Variants in OPA1 observed in about 807,000 individuals in gnomAD.
OPA1 encodes OPA1 mitochondrial dynamin like GTPase.
In OPA1, 59 loss-of-function variants were observed where a neutral mutation model predicts 152.9. The observed-to-expected ratio is 0.39, with a 90% CI of 0.31 to 0.48. OPA1 has a LOEUF of 0.48. OPA1 is among the 20% of genes least tolerant of loss of function. The probability of loss-of-function intolerance (pLI) is 0.96; values close to 1 mark genes in which losing one functional copy is unlikely to be tolerated. For missense variants in OPA1, 1,008 were observed against 1,216.8 expected, an observed-to-expected ratio of 0.83 and a Z score of 2.55; for synonymous variants, 400 against 389.9, an observed-to-expected ratio of 1.03 and a Z score of -0.31.
rs74622164 is a variant in OPA1 at position 193,689,842 on chromosome 3, G to A, written c.2984-2221G>A. ...ATTTCTCAATGAAATGTGGAGAGAAGCACCCGTTTGAGATTCCCGTGTGTT... is the reference window on the plus strand; with the variant it reads ...ATTTCTCAATGAAATGTGGAGAGAAACACCCGTTTGAGATTCCCGTGTGTT... On this transcript the variant is annotated intron_variant, in intron 29 of 30. Transcript: ENST00000361510. Among the ~76,000 whole-genome samples the A allele has an allele frequency of 1.0e-3, 152 of 152,254 alleles. 1 individual carries two copies. The East Asian group carries it at 0.026, about 26-fold the overall frequency.
intron 22 of OPA1, among the ~76,000 whole-genome samples, chr3:193,656,639 TG>T (rs1577294404): frequency 6.6e-6 from 1 of 152,268 alleles, no homozygotes; most frequent in East Asian, 1.9e-4. Flanking sequence ...TCTTAGAGGT[TG>T]AAATAAATAA....
In OPA1 at chr3:193,667,290, T is replaced by A; in HGVS notation, c.2983+10T>A. The A allele has an allele frequency of 1.8e-5, 21 of 1,177,250 alleles. No individual in the cohort carries two copies. The highest frequency in any genetic ancestry group is 2.4e-5 in the Non-Finnish European group (19 of 780,510). The allele number at this position is 1,177,250 out of a possible 1,614,324, so 72.9% of individuals were successfully genotyped here. A position where few individuals can be genotyped will look rare whatever the true frequency, so the allele number is the denominator to read the frequency against. On this transcript the variant is annotated intron_variant, in intron 29 of 30. Coordinates refer to ENST00000361510, the MANE Select transcript of OPA1 (RefSeq NM_130837.3). ...CTGGCGGAAGACCTCAGTGAGTAGT[T>A]CTTACTGCCCTCTACCTTACTACCT...
chr3:193,605,447 G>A (rs1353829344), intron 1 of OPA1, among the ~76,000 whole-genome samples: 1 of 152,050 alleles, frequency 6.6e-6, no homozygotes, highest in Admixed American at 6.5e-5. Flanking sequence ...ATTGCTTCAG[G>A]TTTTAGTGGA....
intron 22 of OPA1, 86 bp from the exon 23 acceptor site, chr3:193,656,994 G>A: frequency 8.6e-7 from 1 of 1,167,734 alleles, no homozygotes; most frequent in South Asian, 1.5e-5. Flanking sequence ...TATCACATCT[G>A]TTTGGCTTGA....
chr3:193,610,848 T>C (rs1377349591), intron 1 of OPA1, among the ~76,000 whole-genome samples: 4 of 152,226 alleles, frequency 2.6e-5, no homozygotes, highest in African/African-American at 9.6e-5. Flanking sequence ...GCGCGGGATA[T>C]AGTCTCCTGG....
intron 11 of OPA1, 106 bp from the exon 12 acceptor site, chr3:193,642,659 C>T: frequency 1.2e-6 from 1 of 839,624 alleles, no homozygotes; most frequent in African/African-American, 1.7e-5. Context: ...TGAAGGGACT[C>T]TTGGATTTGT....
chr3:193,656,253 T>C (rs1389511950), intron 22 of OPA1, among the ~76,000 whole-genome samples: 2 of 152,130 alleles, frequency 1.3e-5, no homozygotes, highest in Non-Finnish European at 2.9e-5. Context: ...CCCTCAGCAC[T>C]AGGTGTCATG....
intron 1 of OPA1, among the ~76,000 whole-genome samples, chr3:193,598,546 C>G (rs568025079): frequency 6.6e-6 from 1 of 152,056 alleles, no homozygotes; most frequent in Non-Finnish European, 1.5e-5. Context: ...CAATAAGGCT[C>G]ATGTAGGGTT....
chr3:193,690,415 A>G (rs1229374668), intron 29 of OPA1, among the ~76,000 whole-genome samples: 1 of 148,608 alleles, frequency 6.7e-6, no homozygotes, highest in African/African-American at 2.5e-5. Context: ...AGTCTCAGCT[A>G]CTCAGGAGGC....
At position 193,629,913 on chromosome 3, in the gene OPA1, T is replaced by G. The variant is rs143094946; in HGVS notation, c.790-1699T>G. On this transcript the variant is annotated intron_variant, in intron 7 of 30. Coordinates refer to ENST00000361510, the MANE Select transcript of OPA1 (RefSeq NM_130837.3). ...GTCAGTTAGTATTTACATTTAAAAC[T>G]AAAACAATTTATACTAATACAGTTT... is the stretch of plus-strand genomic sequence containing the variant. Among the ~76,000 whole-genome samples the G allele has an allele frequency of 3.3e-3, 506 of 152,294 alleles. 3 individuals carry two copies. The highest frequency in any genetic ancestry group is 0.017 in the South Asian group (83 of 4,826).
Position 193,688,444 on chromosome 3 carries a change from C to CTTTTTTTTTTTTTTTTTTTTTT in OPA1, c.2984-3615_2984-3614insTTTTTTTTTTTTTTTTTTTTTT, listed in dbSNP as rs1560079327. ...TTCCCTGATTTTTACTGAAATGGGT[C>CTTTTTTTTTTTTTTTTTTTTTT]TTTTCTTTTTTTTTTTTTTTTTTTT... On this transcript the variant is annotated intron_variant, in intron 29 of 30. Transcript: ENST00000361510. Among the ~76,000 whole-genome samples the CTTTTTTTTTTTTTTTTTTTTTT allele has an allele frequency of 7.8e-5, 3 of 38,520 alleles. 1 individual carries two copies. Among genetic ancestry groups the CTTTTTTTTTTTTTTTTTTTTTT allele is most frequent in the African/African-American group, 2.1e-4 (3 of 14,398 alleles). The allele number at this position is 38,520 out of a possible 152,430, so 25.3% of individuals were successfully genotyped here. A position where few individuals can be genotyped will look rare whatever the true frequency, so the allele number is the denominator to read the frequency against.
At chr3:193,667,319 C>A in intron 29 of OPA1, 39 bp downstream of exon 29, 1 of 915,056 alleles carries the variant, frequency 1.1e-6, no homozygotes, top group South Asian at 1.3e-5. Context: ...ACTACCTTTC[C>A]ACCTTTCCCA....
At chr3:193,624,119 G>A (rs1577187593) in intron 6 of OPA1, 1 of 152,534 alleles carries the variant, frequency 6.6e-6, no homozygotes, top group Non-Finnish European at 1.5e-5. Flanking sequence ...CAGTGAATTC[G>A]AGAGGAATTT....
chr3:193,658,293 A>G (rs1168296168), intron 23 of OPA1, among the ~76,000 whole-genome samples: 1 of 151,876 alleles, frequency 6.6e-6, no homozygotes, highest in East Asian at 1.9e-4. Flanking sequence ...TTCTTGTTAA[A>G]TGCCTTATTA....
chr3:193,614,932 G>A lies in OPA1; in HGVS notation c.242G>A (p.Gly81Asp). Residue 81 changes from glycine to aspartate, a missense_variant, in exon 2 of 31, where the codon GGC (glycine) becomes GAC (aspartate). Gly to Asp is a moderately conservative substitution (Grantham distance 94). Coordinates refer to ENST00000361510, the MANE Select transcript of OPA1 (RefSeq NM_130837.3). ...CTGAAATTCTCTCCAATTAAATATGGCTACCAGCCTCGCAGGAATTTTTGG... is the reference window on the plus strand; with the variant it reads ...CTGAAATTCTCTCCAATTAAATATGACTACCAGCCTCGCAGGAATTTTTGG... ...RKLKFSPIKYGYQPRRNFWPA... is the reference protein window; with the variant it reads ...RKLKFSPIKYDYQPRRNFWPA... 1.9e-6 allele frequency: 3 copies of A among 1,613,778 alleles called. 1 individual carries two copies. The South Asian group carries it at 3.3e-5, about 18-fold the overall frequency.
chr3:193,666,921 A>G (rs1258095881), intron 28 of OPA1, among the ~76,000 whole-genome samples: 1 of 152,182 alleles, frequency 6.6e-6, no homozygotes, highest in Admixed American at 6.5e-5. Context: ...CCTAGGTATC[A>G]CTTAGTTTTT....
chr3:193,611,128 C>G (rs1000968587), intron 1 of OPA1, among the ~76,000 whole-genome samples: 1 of 152,194 alleles, frequency 6.6e-6, no homozygotes, highest in Non-Finnish European at 1.5e-5. Flanking sequence ...CTGCGTCGCT[C>G]AAGCTGGGAG....
At chr3:193,684,071 G>A (rs753275107) in intron 29 of OPA1, among the ~76,000 whole-genome samples, 1 of 152,148 alleles carries the variant, frequency 6.6e-6, no homozygotes, top group Non-Finnish European at 1.5e-5. Flanking sequence ...CTTAGGAGAA[G>A]CATGGGTCTT....
At chr3:193,611,748 C>T (rs909380725) in intron 1 of OPA1, among the ~76,000 whole-genome samples, 4 of 152,114 alleles carry the variant, frequency 2.6e-5, no homozygotes, top group African/African-American at 9.7e-5. Context: ...GTTTCAGCCC[C>T]TGCAGGGAAT....
Sources: allele counts gnomAD v4.1 joint callset (sites outside exome capture counted in the v4.1 genomes callset), GRCh38; gene constraint gnomAD v4.1.1; transcripts MANE v1.5; gene names NCBI Gene and HGNC (gene_info 2026-07-23, HGNC 2026-07-21).